Variants in ESR1 observed in about 807,000 individuals in gnomAD.
ESR1 encodes estrogen receptor.
In ESR1, 12 loss-of-function variants were observed where a neutral mutation model predicts 52.7. The observed-to-expected ratio is 0.23, with a 90% CI of 0.15 to 0.37. The LOEUF is 0.37. Ranked by LOEUF, ESR1 falls within the 10% of genes least tolerant of loss-of-function variation. The probability of loss-of-function intolerance (pLI) is 1.00; values close to 1 mark genes in which losing one functional copy is unlikely to be tolerated. For synonymous variants in ESR1, 305 were observed against 316.8 expected, an observed-to-expected ratio of 0.96 and a Z score of 0.39; for missense variants, 584 against 779.7, an observed-to-expected ratio of 0.75 and a Z score of 2.99.
intron 6 of ESR1, among the ~76,000 whole-genome samples, chr6:152,076,288 T>G (rs546403309): frequency 6.6e-6 from 1 of 152,320 alleles, no homozygotes; most frequent in South Asian, 2.1e-4. Context: ...TATATCTTCC[T>G]CATTTTTTCT....
chr6:152,082,808 G>C (rs2049341970), intron 6 of ESR1, among the ~76,000 whole-genome samples: 1 of 151,970 alleles, frequency 6.6e-6, no homozygotes, highest in Non-Finnish European at 1.5e-5. Flanking sequence ...AGGCATTCCT[G>C]TACACCAATA....
At chr6:152,081,233 C>T (rs879548161) in intron 6 of ESR1, among the ~76,000 whole-genome samples, 5 of 152,090 alleles carry the variant, frequency 3.3e-5, no homozygotes, top group Non-Finnish European at 5.9e-5. Flanking sequence ...AAGTAAAACA[C>T]TCCTCAGCAA....
At chr6:152,002,725 A>G (rs1013803477) in intron 4 of ESR1, among the ~76,000 whole-genome samples, 24 of 152,122 alleles carry the variant, frequency 1.6e-4, no homozygotes, top group Admixed American at 4.6e-4. Context: ...TTCTCATTTA[A>G]GCTGAAATTG....
chr6:151,894,629 T>C (rs1371606383), intron 3 of ESR1, among the ~76,000 whole-genome samples: 1 of 152,218 alleles, frequency 6.6e-6, no homozygotes, highest in East Asian at 1.9e-4. Flanking sequence ...CCCAGTACCA[T>C]TTGTTGAATA....
intron 6 of ESR1, chr6:152,113,058 A>C (rs1463103484): frequency 1.4e-5 from 1 of 71,038 alleles, no homozygotes; most frequent in East Asian, 4.4e-4. Flanking sequence ...TTTCAGGAGA[A>C]AGAAGCGCAA....
chr6:152,092,023 G>A (rs1354307679), intron 6 of ESR1, among the ~76,000 whole-genome samples: 9 of 152,074 alleles, frequency 5.9e-5, no homozygotes, highest in Non-Finnish European at 1.3e-4. Flanking sequence ...ATGACACAGA[G>A]GACTGTGAGA....
intron 4 of ESR1, among the ~76,000 whole-genome samples, chr6:151,965,942 C>G (rs894162744): frequency 1.3e-5 from 2 of 152,160 alleles, no homozygotes; most frequent in African/African-American, 4.8e-5. Context: ...TGTAATCACA[C>G]AGTGACGCTC....
intron 5 of ESR1, among the ~76,000 whole-genome samples, chr6:152,037,144 G>GT (rs918115778): frequency 3.3e-5 from 5 of 152,160 alleles, no homozygotes; most frequent in African/African-American, 1.2e-4. Flanking sequence ...CATCGGCTTA[G>GT]TTTAGTGTTG....
At position 151,739,411 on chromosome 6, in the gene ESR1, A is replaced by G. The variant is rs112445458; in HGVS notation, c.-71+37406A>G. Among the ~76,000 whole-genome samples the G allele has an allele frequency of 5.2e-3, 797 of 152,276 alleles. 4 individuals are homozygous for G. Among genetic ancestry groups the G allele is most frequent in the Non-Finnish European group, 8.3e-3 (565 of 68,018 alleles). On this transcript the variant is annotated intron_variant, in intron 2 of 2. Coordinates refer to the ESR1 transcript ENST00000404742. Reference sequence around the variant, plus strand: ...TTTTCTGGGGAATTTTTCTAGCACCAGGTATTTTCTGTTTATCTTCTATGT... The same window carrying G: ...TTTTCTGGGGAATTTTTCTAGCACCGGGTATTTTCTGTTTATCTTCTATGT...
At chr6:151,762,565 G>A (rs574150048) in intron 2 of ESR1, among the ~76,000 whole-genome samples, 2 of 152,260 alleles carry the variant, frequency 1.3e-5, no homozygotes, top group South Asian at 4.1e-4. Context: ...CAGTAAAATG[G>A]AGATAATTAT....
chr6:151,961,339 A>G (rs2037634965), intron 4 of ESR1, among the ~76,000 whole-genome samples: 1 of 152,192 alleles, frequency 6.6e-6, no homozygotes, highest in Admixed American at 6.5e-5. Flanking sequence ...AAAAGTGATC[A>G]GCTGTATCAA....
intron 3 of ESR1, among the ~76,000 whole-genome samples, 157 bp from the exon 4 acceptor site, chr6:151,944,016 T>A (rs1242744623): frequency 6.6e-6 from 1 of 152,226 alleles, no homozygotes; most frequent in Non-Finnish European, 1.5e-5. Context: ...TTTTTCTTCT[T>A]CTCTTGGAGA....
rs530914410 is a variant in ESR1 at position 152,018,815 on chromosome 6, T to C, written c.1235+7021T>C. Among the ~76,000 whole-genome samples, 31 of 146,756 alleles carry C rather than the reference T, an allele frequency of 2.1e-4. No homozygotes were observed. The East Asian group carries it at 5.4e-3, about 26-fold the overall frequency. ...TTCATGTTAATTTTTTTTCACTCTA[T>C]CATATGGAATTGAGTAAAAAAAGAA... On this transcript the variant is annotated intron_variant, in intron 5 of 7. Coordinates refer to ENST00000206249, the MANE Select transcript of ESR1 (RefSeq NM_000125.4).
At chr6:151,857,944 C>T (rs1300919215) in intron 2 of ESR1, among the ~76,000 whole-genome samples, 1 of 152,016 alleles carries the variant, frequency 6.6e-6, no homozygotes, top group Non-Finnish European at 1.5e-5. Context: ...TTTATTTTTC[C>T]ACAGTAAACA....
intron 6 of ESR1, among the ~76,000 whole-genome samples, chr6:152,083,560 C>G (rs1178077607): frequency 6.6e-6 from 1 of 152,158 alleles, no homozygotes; most frequent in Non-Finnish European, 1.5e-5. Flanking sequence ...GACTTTATGA[C>G]TAAAACACCA....
intron 5 of ESR1, among the ~76,000 whole-genome samples, chr6:152,028,179 A>G (rs910023712): frequency 6.6e-6 from 1 of 152,174 alleles, no homozygotes; most frequent in African/African-American, 2.4e-5. Flanking sequence ...CCAAGATGGC[A>G]GAATAGGAAC....
chr6:151,829,928 A>C (rs1261287367), intron 1 of ESR1, among the ~76,000 whole-genome samples: 1 of 152,210 alleles, frequency 6.6e-6, no homozygotes, highest in Admixed American at 6.5e-5. Flanking sequence ...CATTGACAGC[A>C]ATGTGATCCC....
At chr6:152,030,740 AT>A in intron 5 of ESR1, among the ~76,000 whole-genome samples, 1 of 152,216 alleles carries the variant, frequency 6.6e-6, no homozygotes, top group South Asian at 2.1e-4. Context: ...GAGACAGAAA[AT>A]TAACAAGGAT....
intron 4 of ESR1, among the ~76,000 whole-genome samples, chr6:151,995,075 A>G (rs975029091): frequency 6.6e-6 from 1 of 152,110 alleles, no homozygotes; most frequent in Non-Finnish European, 1.5e-5. Context: ...GGGTGAGACC[A>G]TGTGGAGCAC....
Sources: allele counts gnomAD v4.1 joint callset (sites outside exome capture counted in the v4.1 genomes callset), GRCh38; gene constraint gnomAD v4.1.1; transcripts MANE v1.5; gene names NCBI Gene and HGNC (gene_info 2026-07-23, HGNC 2026-07-21).